Variants in USP48 observed in about 807,000 individuals in gnomAD.
USP48 encodes the protein ubiquitin specific peptidase 48, also known as ubiquitin carboxyl-terminal hydrolase 48.
A neutral mutation model predicts 150.7 loss-of-function variants in USP48; 43 were observed. That is an observed-to-expected ratio of 0.29 (90% CI 0.22 to 0.37). USP48 has a LOEUF of 0.37. Among genes scored for constraint, USP48 ranks in the 10% least tolerant of loss-of-function variants. The probability of loss-of-function intolerance (pLI) is 1.00; values close to 1 mark genes in which losing one functional copy is unlikely to be tolerated. For missense variants in USP48, 813 were observed against 1,249.6 expected (o/e 0.65, Z 5.27); for synonymous variants, 396 against 425.9 (o/e 0.93, Z 0.86).
chr1:21,685,938 A>G (rs2097579348), intron 25 of USP48: 1 of 150,416 alleles, frequency 6.6e-6, no homozygotes, highest in African/African-American at 2.5e-5. Context: ...CCAATATGGG[A>G]AATCCTCATC....
chr1:21,728,308 A>T (rs1339436729), intron 11 of USP48: 1 of 1,188,472 alleles, frequency 8.4e-7, no homozygotes, highest in African/African-American at 1.6e-5. Context: ...AATATCTACA[A>T]TACTCATGGA....
At chr1:21,722,977 A>G (rs1571861421) in intron 12 of USP48, among the ~76,000 whole-genome samples, 1 of 152,350 alleles carries the variant, frequency 6.6e-6, no homozygotes, top group Non-Finnish European at 1.5e-5. Context: ...AATTACAGAA[A>G]AAGTGTATTG....
At chr1:21,771,291 C>T (rs2097879586) in intron 1 of USP48, among the ~76,000 whole-genome samples, 1 of 151,164 alleles carries the variant, frequency 6.6e-6, no homozygotes, top group Admixed American at 6.6e-5. Flanking sequence ...GGAGAATCGC[C>T]TGAACCCGGG....
intron 11 of USP48, chr1:21,726,704 C>T (rs2097738081): frequency 6.6e-6 from 1 of 152,212 alleles, no homozygotes; most frequent in African/African-American, 2.4e-5. Flanking sequence ...AGTTTTTACA[C>T]TACAGATGTT....
At chr1:21,752,309 A>G (rs1368291349) in intron 5 of USP48, among the ~76,000 whole-genome samples, 2 of 152,194 alleles carry the variant, frequency 1.3e-5, no homozygotes, top group Non-Finnish European at 2.9e-5. Context: ...GCAGACTGCA[A>G]GAGCTCACCC....
At chr1:21,700,936 A>C (rs1047375147) in intron 22 of USP48, among the ~76,000 whole-genome samples, 1 of 151,846 alleles carries the variant, frequency 6.6e-6, no homozygotes, top group Admixed American at 6.6e-5. Context: ...GTGGTGGCGC[A>C]TGCCTGTAAT....
intron 11 of USP48, among the ~76,000 whole-genome samples, chr1:21,727,353 C>T (rs2097741337): frequency 6.6e-6 from 1 of 152,150 alleles, no homozygotes; most frequent in Non-Finnish European, 1.5e-5. Context: ...CAGAGAAATA[C>T]TCTAAGAACA....
intron 1 of USP48, among the ~76,000 whole-genome samples, chr1:21,775,357 G>A (rs1204746233): frequency 2.6e-5 from 4 of 152,170 alleles, no homozygotes; most frequent in Non-Finnish European, 4.4e-5. Context: ...CACCTCCTGG[G>A]TTCAAGCAAT....
chr1:21,736,303 A>G, intron 9 of USP48, 143 bp downstream of exon 9: 1 of 841,808 alleles, frequency 1.2e-6, no homozygotes. Flanking sequence ...CAAGATGTTC[A>G]GTGATTTTAC....
At chr1:21,772,241 T>TA (rs1315818863) in intron 1 of USP48, among the ~76,000 whole-genome samples, 1 of 151,732 alleles carries the variant, frequency 6.6e-6, no homozygotes, top group Non-Finnish European at 1.5e-5. Context: ...TTTTACCACA[T>TA]AAAAAATCAA....
At chr1:21,698,240 G>C (rs532313494) in intron 22 of USP48, among the ~76,000 whole-genome samples, 1 of 152,094 alleles carries the variant, frequency 6.6e-6, no homozygotes, top group South Asian at 2.1e-4. Flanking sequence ...GATTTTTTGT[G>C]AGCCAAAAAT....
intron 8 of USP48, among the ~76,000 whole-genome samples, chr1:21,745,247 A>G (rs2097791883): frequency 1.3e-5 from 2 of 152,182 alleles, no homozygotes; most frequent in African/African-American, 4.8e-5. Flanking sequence ...GATTGCTTTT[A>G]CCAGTCCTAA....
intron 1 of USP48, among the ~76,000 whole-genome samples, chr1:21,772,345 C>T (rs1189599227): frequency 2.6e-5 from 4 of 152,100 alleles, no homozygotes; most frequent in African/African-American, 9.7e-5. Flanking sequence ...TAGGCCGGGC[C>T]GGGCATGGTG....
chr1:21,764,960 G>C (rs2097858342), intron 1 of USP48, among the ~76,000 whole-genome samples: 1 of 152,272 alleles, frequency 6.6e-6, no homozygotes, highest in South Asian at 2.1e-4. Flanking sequence ...GGTTTTAGGA[G>C]CTGTGCCAGA....
chr1:21,740,518 A>G (rs1315182761), intron 8 of USP48, among the ~76,000 whole-genome samples: 2 of 152,224 alleles, frequency 1.3e-5, no homozygotes, highest in African/African-American at 4.8e-5. Flanking sequence ...TAGCCCTCAA[A>G]AAGATTTCTT....
chr1:21,770,052 T>C (rs946055494), intron 1 of USP48, among the ~76,000 whole-genome samples: 16 of 151,936 alleles, frequency 1.1e-4, no homozygotes, highest in Non-Finnish European at 2.2e-4. Flanking sequence ...GTTGGTCCCA[T>C]TGGCTCATGC....
rs1436808859 is a variant in USP48, at chr1:21,718,418, T to G, written c.1894+2618A>C. ...TGCTGCTTGAAGCTTTTGAAATGTT[T>G]TAATGGGGGAAGGAGAATAGAGACA... On this transcript the variant is annotated intron_variant, in intron 14 of 26. Transcript: ENST00000308271. Among the ~76,000 whole-genome samples the G allele has an allele frequency of 2.0e-5, 3 of 152,202 alleles. No homozygotes were observed. The East Asian group carries it at 5.8e-4, about 29-fold the overall frequency.
chr1:21,761,440 T>G lies in USP48; in HGVS notation c.135-3657A>C, dbSNP rs1349864721. 2.6e-5 allele frequency among the ~76,000 whole-genome samples: 4 copies of G among 152,106 alleles called. No homozygotes were observed. The South Asian group carries it at 6.2e-4, about 24-fold the overall frequency. On this transcript the variant is annotated intron_variant, in intron 1 of 26. Coordinates refer to ENST00000308271, the MANE Select transcript of USP48 (RefSeq NM_032236.8). ...CCACCATACTTGGATAATTTTTTAT[T>G]TTATTTTTTGTAAAAACAGGGTCTT... is the stretch of plus-strand genomic sequence containing the variant.
At chr1:21,706,973 C>T in intron 15 of USP48, 105 bp from the exon 16 acceptor site, 1 of 1,283,288 alleles carries the variant, frequency 7.8e-7, no homozygotes, top group South Asian at 1.6e-5. Context: ...GTACGCTTTT[C>T]TTGCTTTGCT....
Sources: gnomAD v4.1 joint callset for allele counts (sites outside exome capture counted in the v4.1 genomes callset) on GRCh38, gnomAD v4.1.1 for gene constraint, MANE v1.5 for transcripts, NCBI Gene and HGNC (gene_info 2026-07-23, HGNC 2026-07-21) for gene names.